Variants in FGF12 observed in about 807,000 individuals in gnomAD.
The protein encoded by FGF12 is fibroblast growth factor 12B.
FGF12 carries 14 observed loss-of-function variants against 23.6 expected under a neutral mutation model. The ratio of observed to expected loss-of-function variants is 0.59; its 90% CI spans 0.39 to 0.93. The LOEUF (loss-of-function observed/expected upper bound fraction) is 0.93, where lower values mean the gene tolerates loss of function less well. Ranked by LOEUF, FGF12 falls within the 40% of genes least tolerant of loss-of-function variation. The probability of loss-of-function intolerance (pLI) is 0.00; values close to 1 mark genes in which losing one functional copy is unlikely to be tolerated. For synonymous variants in FGF12, 62 were observed against 77.3 expected, an observed-to-expected ratio of 0.80 and a Z score of 1.04; for missense variants, 175 against 217.8, an observed-to-expected ratio of 0.80 and a Z score of 1.24.
intron 2 of FGF12, among the ~76,000 whole-genome samples, chr3:192,553,705 G>A (rs1468421358): frequency 6.6e-6 from 1 of 152,018 alleles, no homozygotes; most frequent in African/African-American, 2.4e-5. Context: ...CCCAACCCCC[G>A]GCTCAGAGTT....
rs183784151 is a variant in FGF12 at position 192,382,758 on chromosome 3, A to T, written c.14-22220T>A. ...AATAAGTTGTATTACCCCAAAATAT[A>T]TAATTATTAAATTTGAATGTAAATT... On this transcript the variant is annotated intron_variant, in intron 2 of 5. Transcript: ENST00000445105. Among the ~76,000 whole-genome samples, 7 of 152,338 alleles carry T rather than the reference A, an allele frequency of 4.6e-5. No individual in the cohort carries two copies. The East Asian group carries it at 1.3e-3, about 29-fold the overall frequency.
In FGF12 at chr3:192,408,652, G is replaced by A; in HGVS notation, c.14-48114C>T. On this transcript the variant is annotated intron_variant, in intron 2 of 5. Transcript: ENST00000445105. This position sits in a 1 kb window ranked among gnomAD's most constrained non-coding sequence, Gnocchi z 7.3. Reference sequence around the variant, plus strand: ...CCTCTGTTGGAGAGGCGCAAGCGTTGTAAGGTGTCCAAAGTATACCTACAC... The same window carrying A: ...CCTCTGTTGGAGAGGCGCAAGCGTTATAAGGTGTCCAAAGTATACCTACAC... 1 of 1,029,404 alleles carries A rather than the reference G, an allele frequency of 9.7e-7. No homozygotes were observed. The highest frequency in any genetic ancestry group is 1.2e-6 in the Non-Finnish European group (1 of 857,280). The allele number at this position is 1,029,404 out of a possible 1,614,324, so 63.8% of individuals were successfully genotyped here.
intron 3 of FGF12, among the ~76,000 whole-genome samples, chr3:192,353,325 G>A (rs199994089): frequency 2.8e-5 from 2 of 72,012 alleles, no homozygotes; most frequent in Non-Finnish European, 4.5e-5. Context: ...CAAATGACTC[G>A]TTTTGCTTTA....
At chr3:192,391,730 G>A (rs1386551680) in intron 2 of FGF12, among the ~76,000 whole-genome samples, 1 of 152,140 alleles carries the variant, frequency 6.6e-6, no homozygotes, top group African/African-American at 2.4e-5. Context: ...TTTAGGATAG[G>A]TAAGTTTGGT....
chr3:192,296,062 C>CTTTTTTTTTT (rs34021285), intron 4 of FGF12, among the ~76,000 whole-genome samples: 2 of 78,088 alleles, frequency 2.6e-5, no homozygotes, highest in Non-Finnish European at 4.7e-5. Context: ...GTTTTTCTTT[C>CTTTTTTTTTT]TTTTTTTTTT....
intron 4 of FGF12, among the ~76,000 whole-genome samples, chr3:192,170,911 G>A (rs1715522614): frequency 1.3e-5 from 2 of 152,184 alleles, no homozygotes; most frequent in Non-Finnish European, 2.9e-5. Context: ...AATCATTCAG[G>A]ACTGTGGCCA....
At chr3:192,555,264 G>C (rs1011942441) in intron 2 of FGF12, among the ~76,000 whole-genome samples, 1 of 152,124 alleles carries the variant, frequency 6.6e-6, no homozygotes, top group Non-Finnish European at 1.5e-5. Context: ...TCAAAAGTCA[G>C]ACAATGAGAG....
At chr3:192,436,521 G>C (rs547815517) in intron 2 of FGF12, among the ~76,000 whole-genome samples, 1 of 152,186 alleles carries the variant, frequency 6.6e-6, no homozygotes, top group Non-Finnish European at 1.5e-5. Context: ...GAAAACCTCC[G>C]TTGTAAACGA....
At chr3:192,615,274 GT>G (rs1440534518) in intron 2 of FGF12, among the ~76,000 whole-genome samples, 8 of 151,900 alleles carry the variant, frequency 5.3e-5, no homozygotes, top group African/African-American at 1.9e-4. Flanking sequence ...TTAAATGTGT[GT>G]GTTTTTTTAT....
chr3:192,542,317 T>C (rs1725389947), intron 2 of FGF12, among the ~76,000 whole-genome samples: 1 of 152,238 alleles, frequency 6.6e-6, no homozygotes, highest in Admixed American at 6.5e-5. Context: ...ATTGCAGTTT[T>C]CAGCTCCAGA....
intron 4 of FGF12, among the ~76,000 whole-genome samples, chr3:192,301,334 T>C (rs1174908094): frequency 6.6e-6 from 1 of 152,180 alleles, no homozygotes; most frequent in Non-Finnish European, 1.5e-5. Context: ...AGGGTCCCAC[T>C]AAATAGTCAC....
At chr3:192,588,496 TA>T (rs1282761469) in intron 2 of FGF12, among the ~76,000 whole-genome samples, 1 of 151,618 alleles carries the variant, frequency 6.6e-6, no homozygotes, top group Non-Finnish European at 1.5e-5. Context: ...AGCATCTGGA[TA>T]AAAAAATTAA....
Position 192,394,998 on chromosome 3 carries a change from C to G in FGF12, c.14-34460G>C, listed in dbSNP as rs189352045. ...TCAAGGGTATTTAACACTAAGATGA[C>G]TTGTTGGTCTCAGCTGTAAATATAA... On this transcript the variant is annotated intron_variant, in intron 2 of 5. Transcript: ENST00000445105. Among the ~76,000 whole-genome samples the G allele has an allele frequency of 1.3e-3, 200 of 152,292 alleles. 1 individual carries two copies. Among genetic ancestry groups the G allele is most frequent in the African/African-American group, 4.7e-3 (194 of 41,566 alleles).
At chr3:192,380,230 T>G (rs9828113) in intron 2 of FGF12, among the ~76,000 whole-genome samples, 11,320 of 152,264 alleles carry the variant, frequency 0.074, 1,383 homozygotes, top group African/African-American at 0.26. Flanking sequence ...AATTACAATT[T>G]ACTGCACTGC....
chr3:192,395,987 T>C (rs987118176), intron 2 of FGF12, among the ~76,000 whole-genome samples: 1 of 152,214 alleles, frequency 6.6e-6, no homozygotes, highest in African/African-American at 2.4e-5. Flanking sequence ...GCTAGAGTAG[T>C]ATGTGGGGAA....
intron 4 of FGF12, among the ~76,000 whole-genome samples, chr3:192,326,590 C>T (rs1051082590): frequency 1.3e-5 from 2 of 152,148 alleles, no homozygotes; most frequent in Non-Finnish European, 2.9e-5. Context: ...GGAGAAATTC[C>T]CAATGGTGCA....
chr3:192,185,922 T>C (rs1716438077), intron 4 of FGF12, among the ~76,000 whole-genome samples: 2 of 151,778 alleles, frequency 1.3e-5, no homozygotes, highest in African/African-American at 4.8e-5. Context: ...AACCATTTAA[T>C]TTTTCAGAAA....
At chr3:192,647,203 AG>A (rs1420115736) in intron 2 of FGF12, among the ~76,000 whole-genome samples, 1 of 152,142 alleles carries the variant, frequency 6.6e-6, no homozygotes, top group African/African-American at 2.4e-5. Context: ...ACCTTATAAA[AG>A]TACAGTTAGG....
At chr3:192,375,397 T>C (rs1022052893) in intron 2 of FGF12, among the ~76,000 whole-genome samples, 1 of 152,168 alleles carries the variant, frequency 6.6e-6, no homozygotes, top group Admixed American at 6.5e-5. Context: ...GAAATTACAG[T>C]TCTGTCTCTA....
Sources: gnomAD v4.1 joint callset for allele counts (sites outside exome capture counted in the v4.1 genomes callset) on GRCh38, gnomAD v4.1.1 for gene constraint, Gnocchi (gnomAD v3.1) non-coding constraint, MANE v1.5 for transcripts, NCBI Gene and HGNC (gene_info 2026-07-23, HGNC 2026-07-21) for gene names.